KDM3A: variants seen among roughly 807,000 people sequenced by gnomAD.
KDM3A encodes the protein lysine-specific demethylase 3A.
Under a neutral mutation model 158.0 loss-of-function variants are expected in KDM3A, and 60 were observed. The ratio of observed to expected loss-of-function variants is 0.38; its 90% CI spans 0.31 to 0.47. The LOEUF (loss-of-function observed/expected upper bound fraction) is 0.47. Among genes scored for constraint, KDM3A ranks in the 20% least tolerant of loss-of-function variants. KDM3A has a pLI of 0.99. For synonymous variants in KDM3A, 608 were observed against 549.3 expected, an observed-to-expected ratio of 1.11 and a Z score of -1.49; for missense variants, 1,319 against 1,574.3, an observed-to-expected ratio of 0.84 and a Z score of 2.74.
rs1673853492 is a variant in KDM3A at position 86,480,195 on chromosome 2, T to C, written c.2345T>C (p.Leu782Pro). 6.2e-7 allele frequency: 1 copy of C among 1,613,234 alleles called. No individual in the cohort carries two copies. The highest frequency in any genetic ancestry group is 8.5e-7 in the Non-Finnish European group (1 of 1,180,016). ...TCTTTAGCTGGAGAAAAACCGACTC[T>C]TGGTGCAGTGCTCCAGCAGAATCCC... is the stretch of plus-strand genomic sequence containing the variant. ...QTSLAGEKPT[L>P]GAVLQQNPSV... The change falls in exon 16 of 26, where the codon CTT becomes CCT. Residue 782 changes from leucine to proline, a missense_variant. Around this residue, in one of 4 missense-constraint regions of KDM3A, gnomAD observed 368 missense variants for 415.8 expected, o/e 0.89. Transcript: ENST00000312912.
intron 4 of KDM3A, among the ~76,000 whole-genome samples, chr2:86,454,417 A>G (rs934517233): frequency 2.0e-5 from 3 of 152,198 alleles, no homozygotes; most frequent in Non-Finnish European, 2.9e-5. Context: ...AGGGCTGCCC[A>G]TTATCAGTGG....
At position 86,441,386 on chromosome 2, in the gene KDM3A, T is replaced by G. The variant is rs949988574; in HGVS notation, c.-89T>G. Reference sequence around the variant, plus strand: ...CTCTTGAACCAAGTCAGCGCTGGAGTCGGCTAGGCGGCTGGAAACGGCGGC... The same window carrying G: ...CTCTTGAACCAAGTCAGCGCTGGAGGCGGCTAGGCGGCTGGAAACGGCGGC... On this transcript the variant is annotated 5_prime_UTR_variant, in exon 1 of 26. Coordinates refer to ENST00000312912, the MANE Select transcript of KDM3A (RefSeq NM_018433.6). 2.0e-5 allele frequency: 3 copies of G among 151,968 alleles called. No homozygotes were observed. The highest frequency in any genetic ancestry group is 7.3e-5 in the African/African-American group (3 of 41,322). The allele number at this position is 151,968 out of a possible 1,614,324, so 9.4% of individuals were successfully genotyped here. A position where few individuals can be genotyped will look rare whatever the true frequency, so the allele number is the denominator to read the frequency against.
chr2:86,457,090 A>T lies in KDM3A; in HGVS notation c.843+19A>T. ...CTCTGAGGTAACCTTTATTTATGTC[A>T]CTTGTGTAAAGCTTTCCTTAACTCC... is the stretch of plus-strand genomic sequence containing the variant. On this transcript the variant is annotated intron_variant, in intron 8 of 25. Transcript: ENST00000312912. 1 of 1,336,666 alleles carries T rather than the reference A, an allele frequency of 7.5e-7. No homozygotes were observed. Among genetic ancestry groups the T allele is most frequent in the Non-Finnish European group, 1.0e-6 (1 of 970,414 alleles). 82.8% of individuals were successfully genotyped at this position (1,336,666 alleles called of 1,614,324 possible). A position where few individuals can be genotyped will look rare whatever the true frequency, so the allele number is the denominator to read the frequency against.
Position 86,484,060 on chromosome 2 carries a change from T to C in KDM3A, c.2996T>C (p.Phe999Ser). 6.2e-7 allele frequency: 1 copy of C among 1,613,968 alleles called. No individual in the cohort carries two copies. Among genetic ancestry groups the C allele is most frequent in the Non-Finnish European group, 8.5e-7 (1 of 1,179,906 alleles). ...LWKPESFRKEFGEQEVDLVNC... is the reference protein window; with the variant it reads ...LWKPESFRKESGEQEVDLVNC... ...AAACCTGAATCCTTCAGGAAAGAGT[T>C]TGGTGAGCAGGAAGTAGACCTAGTT... Residue 999 changes from phenylalanine to serine, a missense_variant, in exon 19 of 26, where the codon TTT becomes TCT. Physicochemically the swap from Phe to Ser is radical, Grantham distance 155. Transcript: ENST00000312912.
intron 19 of KDM3A, 93 bp downstream of exon 19, chr2:86,484,251 G>A: frequency 9.2e-7 from 1 of 1,091,172 alleles, no homozygotes; most frequent in Admixed American, 2.4e-5. Flanking sequence ...GGCAGCCGCA[G>A]CATTTTCCAG....
chr2:86,482,261 A>G (rs772324880), intron 17 of KDM3A, among the ~76,000 whole-genome samples, 159 bp downstream of exon 17: 27 of 152,128 alleles, frequency 1.8e-4, no homozygotes, highest in Non-Finnish European at 2.4e-4. Context: ...TTATGGGACT[A>G]TAGTTCTGAG....
chr2:86,439,838 A>G (rs1336270251), upstream of KDM3A, among the ~76,000 whole-genome samples: 1 of 152,120 alleles, frequency 6.6e-6, no homozygotes, highest in Non-Finnish European at 1.5e-5. Flanking sequence ...TTTTAATTGT[A>G]TTAATATTGC....
chr2:86,452,709 T>A (rs1672521134), intron 4 of KDM3A, among the ~76,000 whole-genome samples: 1 of 152,162 alleles, frequency 6.6e-6, no homozygotes, highest in Admixed American at 6.5e-5. Context: ...TTGCTAAAAG[T>A]AGTTTGGGGT....
intron 2 of KDM3A, among the ~76,000 whole-genome samples, chr2:86,442,769 G>T (rs1481282741): frequency 1.3e-5 from 2 of 152,074 alleles, no homozygotes; most frequent in Non-Finnish European, 2.9e-5. Context: ...GTGGGTCAGG[G>T]CAGGAGTGGG....
intron 8 of KDM3A, among the ~76,000 whole-genome samples, chr2:86,457,624 G>A (rs1235960600): frequency 2.0e-5 from 3 of 152,330 alleles, no homozygotes; most frequent in East Asian, 3.9e-4. Context: ...ATTTCACCAT[G>A]TGGAAGTGTT....
chr2:86,482,853 G>C (rs1471592500), intron 18 of KDM3A, 159 bp downstream of exon 18: 1 of 702,804 alleles, frequency 1.4e-6, no homozygotes, highest in Admixed American at 2.7e-5. Flanking sequence ...ATGTGGCCAT[G>C]GGTCTTACTT....
chr2:86,453,225 T>C (rs749511284), intron 4 of KDM3A, among the ~76,000 whole-genome samples: 24 of 152,202 alleles, frequency 1.6e-4, no homozygotes, highest in East Asian at 1.9e-4. Context: ...TAATACGATA[T>C]ACAATTAACT....
At chr2:86,491,084 CTCTT>C (rs759786640) in intron 24 of KDM3A, 27 bp downstream of exon 24, 1 of 1,612,640 alleles carries the variant, frequency 6.2e-7, no homozygotes, top group South Asian at 1.1e-5. Flanking sequence ...TTTCTTTAAT[CTCTT>C]TATGTCATGA....
In KDM3A at chr2:86,456,579, A is replaced by G. The variant is rs1672707397; in HGVS notation, c.681+13A>G. 2 of 1,600,680 alleles carry G rather than the reference A, an allele frequency of 1.2e-6. No homozygotes were observed. The highest frequency in any genetic ancestry group is 1.8e-5 in the Admixed American group (1 of 56,964). ...CAACTGTGAGGAGGTAAAGACAACA[A>G]TAACTCTTTGTAAGATAACTCGACA... On this transcript the variant is annotated intron_variant, in intron 6 of 25. Transcript: ENST00000312912.
chr2:86,465,061 G>A (rs569985360), intron 9 of KDM3A, among the ~76,000 whole-genome samples: 10 of 152,332 alleles, frequency 6.6e-5, no homozygotes, highest in Admixed American at 5.2e-4. Context: ...TTTTTCATCT[G>A]AGTGTTTAAA....
chr2:86,458,579 G>T (rs1172094854), intron 8 of KDM3A, among the ~76,000 whole-genome samples: 3 of 152,194 alleles, frequency 2.0e-5, no homozygotes, highest in Non-Finnish European at 4.4e-5. Context: ...CCATAGGATA[G>T]TGAGGGAGAC....
At chr2:86,480,776 G>A (rs1673886983) in intron 16 of KDM3A, among the ~76,000 whole-genome samples, 2 of 152,198 alleles carry the variant, frequency 1.3e-5, no homozygotes, top group South Asian at 4.1e-4. Context: ...TAAGATGACT[G>A]TTGTAGAAAA....
Position 86,464,133 on chromosome 2 carries a change from T to G in KDM3A, c.924T>G (p.Thr308=). The G allele has an allele frequency of 6.2e-7, 1 of 1,612,962 alleles. No homozygotes were observed. ...TACTGCTTGGCTGTACTGCGGCAAC[T>G]CCACCTAGTAAGGACCCAAGACAGC... ...KEILLGCTAA[T]PPSKDPRQQS... is the part of the protein sequence containing the mutation. The change falls in exon 9 of 26, where the codon ACT becomes ACG. Residue 308 remains threonine (T), a synonymous_variant. Coordinates refer to ENST00000312912, the MANE Select transcript of KDM3A (RefSeq NM_018433.6).
intron 5 of KDM3A, among the ~76,000 whole-genome samples, chr2:86,456,013 G>A (rs1371900783): frequency 2.7e-5 from 4 of 150,542 alleles, no homozygotes; most frequent in African/African-American, 7.3e-5. Context: ...GCTATATTTT[G>A]ATGTGGAATT....
Sources: gnomAD v4.1 joint callset for allele counts (sites outside exome capture counted in the v4.1 genomes callset) on GRCh38, gnomAD v4.1.1 for gene constraint, gnomAD v4.1.1 regional missense constraint, MANE v1.5 for transcripts, NCBI Gene and HGNC (gene_info 2026-07-23, HGNC 2026-07-21) for gene names.